Variants in GTF3C1 observed in about 807,000 individuals in gnomAD.
GTF3C1 encodes the protein general transcription factor IIIC subunit 1.
In GTF3C1, 57 loss-of-function variants were observed where a neutral mutation model predicts 226.7. That is an observed-to-expected ratio of 0.25 (90% CI 0.20 to 0.31). The LOEUF (loss-of-function observed/expected upper bound fraction) is 0.31. Ranked by LOEUF, GTF3C1 falls within the 10% of genes least tolerant of loss-of-function variation. The pLI is 1.00. For synonymous variants in GTF3C1, 1,090 were observed against 1,084.8 expected, an observed-to-expected ratio of 1.00 and a Z score of -0.09; for missense variants, 2,217 against 2,776.1, an observed-to-expected ratio of 0.80 and a Z score of 4.53.
intron 10 of GTF3C1, among the ~76,000 whole-genome samples, chr16:27,505,408 T>C (rs1208031969): frequency 6.6e-6 from 1 of 152,184 alleles, no homozygotes; most frequent in Non-Finnish European, 1.5e-5. Context: ...GTCCTGTGTA[T>C]TGTAGGATGT....
chr16:27,519,813 TGAAA>T (rs762670178), intron 6 of GTF3C1, among the ~76,000 whole-genome samples: 7 of 151,850 alleles, frequency 4.6e-5, no homozygotes, highest in Non-Finnish European at 5.9e-5. Context: ...AGGACTAGAA[TGAAA>T]GAAACAAGGC....
At chr16:27,530,642 C>A (rs1176155746) in intron 5 of GTF3C1, among the ~76,000 whole-genome samples, 1 of 152,206 alleles carries the variant, frequency 6.6e-6, no homozygotes, top group Non-Finnish European at 1.5e-5. Flanking sequence ...CATGGAAGAT[C>A]TTCATACCCA....
Position 27,476,525 on chromosome 16 carries a change from GA to G in GTF3C1, c.4278del (p.Leu1427TrpfsTer6). Reference sequence around the variant, plus strand: ...CTCTGGATCAGGTTCTGAAGCACCAGAAAGTGGATGTCATCCACGCTGAAAG... The same window carrying G: ...CTCTGGATCAGGTTCTGAAGCACCAGAAGTGGATGTCATCCACGCTGAAAG... ...DELNSVDDIH[F>X]LVLQNLIQST... On this transcript the variant is annotated frameshift_variant, in exon 29 of 37. Transcript: ENST00000356183. LOFTEE classifies it high-confidence loss of function. 6.2e-7 allele frequency: 1 copy of G among 1,610,074 alleles called. No individual in the cohort carries two copies. The highest frequency in any genetic ancestry group is 8.5e-7 in the Non-Finnish European group (1 of 1,176,462).
Position 27,485,997 on chromosome 16 carries a change from C to T in GTF3C1, c.3858G>A (p.Lys1286=). The change falls in exon 24 of 37, where the codon AAG becomes AAA. Residue 1286 remains lysine, a splice_region_variant and synonymous_variant. Transcript: ENST00000356183. ...ACCGCTGGGCTGGGCTGGTTGGTAC[C>T]TTGGTGTTGAGGACATTGCTGGCAA... ...CRIASNVLNT[K]VKGPFVTWQV... 1 of 1,601,618 alleles carries T rather than the reference C, an allele frequency of 6.2e-7. No homozygotes were observed. The highest frequency in any genetic ancestry group is 8.5e-7 in the Non-Finnish European group (1 of 1,172,298).
chr16:27,544,743 A>T (rs2089138064), intron 2 of GTF3C1, among the ~76,000 whole-genome samples: 1 of 152,162 alleles, frequency 6.6e-6, no homozygotes, highest in Admixed American at 6.5e-5. Context: ...GCTTGGCAGC[A>T]CAGGGCCCAG....
rs35794050 is a variant in GTF3C1, at chr16:27,488,579, C to T, written c.3486G>A (p.Lys1162=). The change falls in exon 22 of 37, where the codon AAG becomes AAA. Residue 1162 remains lysine (K), a synonymous_variant. Transcript: ENST00000356183. ...LTVRLQTFLS[K]RPMPLSARGN... ...CTCTGGCACTGAGGGGCATTGGGCG[C>T]TTGGACAGAAATGTCTGGAGCCTCA... is the stretch of plus-strand genomic sequence containing the variant. 1,976 of 1,614,066 alleles carry T rather than the reference C, an allele frequency of 1.2e-3. 20 individuals are homozygous for T. In the African/African-American group the frequency reaches 0.024, roughly 19 times the overall value.
At chr16:27,513,000 A>C (rs1209857489) in intron 6 of GTF3C1, among the ~76,000 whole-genome samples, 1 of 152,252 alleles carries the variant, frequency 6.6e-6, no homozygotes, top group Non-Finnish European at 1.5e-5. Flanking sequence ...CTTCATCCCC[A>C]AAACATGTGA....
intron 29 of GTF3C1, among the ~76,000 whole-genome samples, chr16:27,472,696 C>T (rs916848445): frequency 6.6e-6 from 1 of 152,252 alleles, no homozygotes; most frequent in Non-Finnish European, 1.5e-5. Flanking sequence ...GGCATCCTGC[C>T]TTGGGGCCTT....
rs959379346 is a variant in GTF3C1 at position 27,545,316 on chromosome 16, G to A, written c.429C>T (p.Asp143=). Residue 143 remains aspartate, a splice_region_variant and synonymous_variant, in exon 2 of 37, where the codon GAC becomes GAT. Coordinates refer to ENST00000356183, the MANE Select transcript of GTF3C1 (RefSeq NM_001520.4). ...QPRCTMVEAF[D]RWGKKLIIVA... is the part of the protein sequence containing the mutation. Reference sequence around the variant, plus strand: ...TTCTGATGGTGCAAAATAGTTACCTGTCAAAGGCTTCCACCATTGTACAGC... The same window carrying A: ...TTCTGATGGTGCAAAATAGTTACCTATCAAAGGCTTCCACCATTGTACAGC... The A allele has an allele frequency of 6.2e-7, 1 of 1,609,148 alleles. No homozygotes were observed. The highest frequency in any genetic ancestry group is 8.5e-7 in the Non-Finnish European group (1 of 1,175,448).
Position 27,549,518 on chromosome 16 carries a change from C to T in GTF3C1, c.221+152G>A, listed in dbSNP as rs569489516. 9.7e-4 allele frequency: 588 copies of T among 606,320 alleles called. 6 individuals are homozygous for T. The highest frequency in any genetic ancestry group is 8.9e-3 in the South Asian group (448 of 50,200). The allele number at this position is 606,320 out of a possible 1,614,324, so 37.6% of individuals were successfully genotyped here. On this transcript the variant is annotated intron_variant, in intron 1 of 36. Transcript: ENST00000356183. ...CAGGGCCCTGCCAGGCCTGAGGGACCCCAGATTAGCCTTACCGCCGTGCCC... is the reference window on the plus strand; with the variant it reads ...CAGGGCCCTGCCAGGCCTGAGGGACTCCAGATTAGCCTTACCGCCGTGCCC...
Position 27,492,193 on chromosome 16 carries a change from C to G in GTF3C1, c.3151+145G>C. 1.7e-6 allele frequency: 1 copy of G among 593,750 alleles called. No individual in the cohort carries two copies. Among genetic ancestry groups the G allele is most frequent in the Non-Finnish European group, 3.0e-6 (1 of 335,102 alleles). 36.8% of individuals were successfully genotyped at this position (593,750 alleles called of 1,614,324 possible). On this transcript the variant is annotated intron_variant, in intron 19 of 36. Transcript: ENST00000356183. The surrounding 1 kb of genome is among the most constrained non-coding windows in gnomAD (Gnocchi z 5.0). ...CCCGCCACTTTCCTTTCCAAGGGAGCCCCAGGGGTGCTCTGGGCCTCTGGG... is the reference window on the plus strand; with the variant it reads ...CCCGCCACTTTCCTTTCCAAGGGAGGCCCAGGGGTGCTCTGGGCCTCTGGG...
At position 27,465,327 on chromosome 16, in the gene GTF3C1, C is replaced by T. The variant is rs376298513; in HGVS notation, c.5288G>A (p.Arg1763His). 12 of 1,614,124 alleles carry T rather than the reference C, an allele frequency of 7.4e-6. No homozygotes were observed. Among genetic ancestry groups the T allele is most frequent in the East Asian group, 2.2e-5 (1 of 44,876 alleles). Residue 1763 changes from arginine to histidine, a missense_variant, in exon 33 of 37, where the codon CGC becomes CAC. By Grantham distance (29) the Arg-to-His change is conservative (BLOSUM62 0). Around this residue, in one of 12 missense-constraint regions of GTF3C1, gnomAD observed 455 missense variants for 441.9 expected, o/e 1.03. Coordinates refer to ENST00000356183, the MANE Select transcript of GTF3C1 (RefSeq NM_001520.4). The stretch of plus-strand genomic sequence containing the variant: ...CTTCTCCAAGGCCGAGAACCGTCTG[C>T]GCAGCTCCTCCTTGTCAATCCCAAA... ...GCFGIDKEEL[R>H]RRFSALEKAG...
At chr16:27,519,771 G>C (rs1344292730) in intron 6 of GTF3C1, among the ~76,000 whole-genome samples, 1 of 152,146 alleles carries the variant, frequency 6.6e-6, no homozygotes, top group African/African-American at 2.4e-5. Flanking sequence ...GAGAAAGAAA[G>C]AAAATACTAC....
chr16:27,502,213 C>T (rs1159144733), intron 11 of GTF3C1, among the ~76,000 whole-genome samples: 2 of 152,144 alleles, frequency 1.3e-5, no homozygotes, highest in Non-Finnish European at 2.9e-5. Context: ...TGGTCCCTAC[C>T]CCCTCCCATT....
intron 32 of GTF3C1, among the ~76,000 whole-genome samples, chr16:27,468,132 T>A (rs535817307): frequency 1.0e-3 from 153 of 152,244 alleles, no homozygotes; most frequent in African/African-American, 3.5e-3. Flanking sequence ...GCCTTGGAAA[T>A]AACAAGAGAA....
At position 27,471,182 on chromosome 16, in the gene GTF3C1, G is replaced by A. The variant is rs1158121038; in HGVS notation, c.4526+566C>T. 6.6e-6 allele frequency among the ~76,000 whole-genome samples: 1 copy of A among 152,250 alleles called. No homozygotes were observed. The highest frequency in any genetic ancestry group is 1.5e-5 in the Non-Finnish European group (1 of 68,044). ...CGGGGAAGGAGAATGGTGTGAAGGGGAAGCCGTCAAGACGGCAGCTTAGGA... is the reference window on the plus strand; with the variant it reads ...CGGGGAAGGAGAATGGTGTGAAGGGAAAGCCGTCAAGACGGCAGCTTAGGA... On this transcript the variant is annotated intron_variant, in intron 30 of 36. Coordinates refer to ENST00000356183, the MANE Select transcript of GTF3C1 (RefSeq NM_001520.4). The surrounding 1 kb of genome is among the most constrained non-coding windows in gnomAD (Gnocchi z 5.0).
rs1027681375 is a variant in GTF3C1, at chr16:27,471,367, C to A, written c.4526+381G>T. 1.3e-5 allele frequency among the ~76,000 whole-genome samples: 2 copies of A among 152,184 alleles called. No homozygotes were observed. The highest frequency in any genetic ancestry group is 4.8e-5 in the African/African-American group (2 of 41,432). On this transcript the variant is annotated intron_variant, in intron 30 of 36. Coordinates refer to ENST00000356183, the MANE Select transcript of GTF3C1 (RefSeq NM_001520.4). This position sits in a 1 kb window ranked among gnomAD's most constrained non-coding sequence, Gnocchi z 5.0. ...AATCCTGCACTGGCTGTTGGTGCTG[C>A]GAATGGGCCCAGGAGGCTTCCCAGG...
At position 27,534,185 on chromosome 16, in the gene GTF3C1, T is replaced by G. The variant is rs529129102; in HGVS notation, c.753-798A>C. On this transcript the variant is annotated intron_variant, in intron 4 of 36. Coordinates refer to ENST00000356183, the MANE Select transcript of GTF3C1 (RefSeq NM_001520.4). ...CTCCGGTTCCTGCTCCTGACTACAC[T>G]GGCGTGGCAGAGCCTACCTTCCATC... 7.2e-5 allele frequency among the ~76,000 whole-genome samples: 11 copies of G among 152,332 alleles called. No individual in the cohort carries two copies. The South Asian group carries it at 2.3e-3, about 32-fold the overall frequency.
intron 4 of GTF3C1, among the ~76,000 whole-genome samples, chr16:27,536,736 G>C (rs1423884049): frequency 6.6e-6 from 1 of 152,114 alleles, no homozygotes; most frequent in African/African-American, 2.4e-5. Context: ...CTCCACCCCA[G>C]AGAGCTGCTG....
Sources: allele counts gnomAD v4.1 joint callset (sites outside exome capture counted in the v4.1 genomes callset), GRCh38; gene constraint gnomAD v4.1.1; regional missense constraint gnomAD v4.1.1; non-coding constraint Gnocchi (gnomAD v3.1); transcripts MANE v1.5; gene names NCBI Gene and HGNC (gene_info 2026-07-23, HGNC 2026-07-21).